The following GRM1 variants were observed in gnomAD, a reference collection of about 807,000 sequenced individuals.
GRM1 encodes the protein metabotropic glutamate receptor 1.
A neutral mutation model predicts 90.9 loss-of-function variants in GRM1; 33 were observed. The observed-to-expected ratio is 0.36, with a 90% CI of 0.28 to 0.49. The LOEUF (loss-of-function observed/expected upper bound fraction) is 0.49. Ranked by LOEUF, GRM1 falls within the 20% of genes least tolerant of loss-of-function variation. The probability of loss-of-function intolerance (pLI) is 0.99; values close to 1 mark genes in which losing one functional copy is unlikely to be tolerated. For missense variants in GRM1, 1,190 were observed against 1,534.3 expected (o/e 0.78, Z 3.75); for synonymous variants, 700 against 613.2 (o/e 1.14, Z -2.09).
intron 7 of GRM1, among the ~76,000 whole-genome samples, chr6:146,422,261 A>G (rs1269214467): frequency 6.6e-6 from 1 of 152,236 alleles, no homozygotes; most frequent in Non-Finnish European, 1.5e-5. Context: ...ACCCAAATAA[A>G]AAAGTCTGGA....
At chr6:146,057,160 TG>T (rs1358661659) in intron 1 of GRM1, among the ~76,000 whole-genome samples, 2 of 152,184 alleles carry the variant, frequency 1.3e-5, no homozygotes, top group African/African-American at 4.8e-5. Context: ...TGCCATGTAA[TG>T]AGAAGACTTT....
chr6:146,368,022 G>A lies in GRM1; in HGVS notation c.1602+10328G>A, dbSNP rs188677908. Among the ~76,000 whole-genome samples the A allele has an allele frequency of 9.0e-4, 137 of 152,050 alleles. 1 individual carries two copies. The highest frequency in any genetic ancestry group is 1.2e-4 in the Non-Finnish European group (8 of 67,934). ...ACATGGAATATCTTTTTATTGTTTTGTGTCCTCTTCAATTTCTTTCATCAG... is the reference window on the plus strand; with the variant it reads ...ACATGGAATATCTTTTTATTGTTTTATGTCCTCTTCAATTTCTTTCATCAG... On this transcript the variant is annotated intron_variant, in intron 5 of 7. Transcript: ENST00000282753.
At chr6:146,149,952 G>A (rs1777260473) in intron 1 of GRM1, among the ~76,000 whole-genome samples, 1 of 152,088 alleles carries the variant, frequency 6.6e-6, no homozygotes, top group Admixed American at 6.6e-5. Flanking sequence ...CACCACCTGG[G>A]AACACCGGGA....
intron 5 of GRM1, among the ~76,000 whole-genome samples, chr6:146,358,737 A>G (rs1775336463): frequency 6.6e-6 from 1 of 152,192 alleles, no homozygotes; most frequent in Admixed American, 6.5e-5. Context: ...CTTTATCTCA[A>G]CTGACTAAAG....
At chr6:146,096,193 A>G (rs770080412) in intron 1 of GRM1, among the ~76,000 whole-genome samples, 11 of 152,162 alleles carry the variant, frequency 7.2e-5, no homozygotes, top group Non-Finnish European at 1.6e-4. Flanking sequence ...TTGATTTTAT[A>G]AACAAAAACC....
intron 7 of GRM1, chr6:146,426,687 T>C: frequency 1.1e-6 from 1 of 931,362 alleles, no homozygotes; most frequent in Non-Finnish European, 1.7e-6. Context: ...GCCCCTTGCT[T>C]TCTCTCTCCT....
At chr6:146,371,926 G>A (rs1179271402) in intron 5 of GRM1, among the ~76,000 whole-genome samples, 1 of 152,076 alleles carries the variant, frequency 6.6e-6, no homozygotes, top group Non-Finnish European at 1.5e-5. Context: ...AACAAACATA[G>A]GAGTGCAGAT....
chr6:146,157,802 G>C (rs1777573715), intron 1 of GRM1, among the ~76,000 whole-genome samples: 1 of 152,142 alleles, frequency 6.6e-6, no homozygotes, highest in Non-Finnish European at 1.5e-5. Flanking sequence ...ATAAATGCCA[G>C]TGAAGAAATG....
intron 5 of GRM1, among the ~76,000 whole-genome samples, chr6:146,373,051 A>G (rs1251933903): frequency 6.6e-6 from 1 of 152,114 alleles, no homozygotes; most frequent in Non-Finnish European, 1.5e-5. Flanking sequence ...CAATTGCTTT[A>G]GCTAGCATGG....
At chr6:146,119,900 C>T (rs971206848) in intron 1 of GRM1, among the ~76,000 whole-genome samples, 2 of 152,118 alleles carry the variant, frequency 1.3e-5, no homozygotes, top group African/African-American at 4.8e-5. Flanking sequence ...GTTCTTTTGG[C>T]TTAGGATTGA....
At chr6:146,405,367 C>A (rs1433457836) in intron 7 of GRM1, among the ~76,000 whole-genome samples, 3 of 152,136 alleles carry the variant, frequency 2.0e-5, no homozygotes, top group Non-Finnish European at 4.4e-5. Flanking sequence ...TAAGGAAAAT[C>A]TGAAGGCAGT....
intron 2 of GRM1, among the ~76,000 whole-genome samples, chr6:146,182,675 A>G (rs761285076): frequency 2.6e-5 from 4 of 152,132 alleles, no homozygotes; most frequent in Admixed American, 6.6e-5. Context: ...TACCTCCATC[A>G]CTGCAGATTT....
chr6:146,089,781 G>A (rs1169189824), intron 1 of GRM1, among the ~76,000 whole-genome samples: 4 of 151,940 alleles, frequency 2.6e-5, no homozygotes, highest in African/African-American at 9.7e-5. Context: ...ACTAGCAATG[G>A]GCCCTAATAG....
chr6:146,307,633 C>T (rs1562597100), intron 3 of GRM1, among the ~76,000 whole-genome samples: 3 of 152,126 alleles, frequency 2.0e-5, no homozygotes, highest in African/African-American at 4.8e-5. Context: ...TATGCAGACA[C>T]ATCTATGAAA....
At chr6:146,254,690 A>C (rs896093647) in intron 2 of GRM1, among the ~76,000 whole-genome samples, 1 of 152,174 alleles carries the variant, frequency 6.6e-6, no homozygotes, top group African/African-American at 2.4e-5. Flanking sequence ...CAGCCCAGTC[A>C]TGCCCCACTA....
intron 1 of GRM1, among the ~76,000 whole-genome samples, chr6:146,039,441 A>T (rs1172140660): frequency 2.6e-5 from 4 of 152,008 alleles, no homozygotes; most frequent in Admixed American, 2.6e-4. Context: ...CTGAAAAGAG[A>T]GAAAGAGCCT....
At position 146,349,246 on chromosome 6, in the gene GRM1, A is replaced by AT. The variant is rs67705028; in HGVS notation, c.1187-2994dup. ...CATGCCCGGCTATTTTTTTTTTTTT[A>AT]TTTTTTTTTTATTTTTAGTAGATAC... is the stretch of plus-strand genomic sequence containing the variant. On this transcript the variant is annotated intron_variant, in intron 3 of 7. Transcript: ENST00000282753. Among the ~76,000 whole-genome samples, 72 of 140,730 alleles carry AT rather than the reference A, an allele frequency of 5.1e-4. No individual in the cohort carries two copies. The East Asian group carries it at 8.4e-3, about 16-fold the overall frequency. 92.3% of individuals were successfully genotyped at this position (140,730 alleles called of 152,430 possible).
At chr6:146,423,730 G>T (rs535662038) in intron 7 of GRM1, among the ~76,000 whole-genome samples, 1 of 152,098 alleles carries the variant, frequency 6.6e-6, no homozygotes, top group African/African-American at 2.4e-5. Context: ...TCAGTACACC[G>T]AGTTGCTAAG....
chr6:146,040,366 T>G (rs1031573310), intron 1 of GRM1, among the ~76,000 whole-genome samples: 4 of 152,044 alleles, frequency 2.6e-5, no homozygotes, highest in African/African-American at 9.7e-5. Context: ...GTGAATTTTA[T>G]GCCTTCGGAT....
Sources: allele counts gnomAD v4.1 joint callset (sites outside exome capture counted in the v4.1 genomes callset), GRCh38; gene constraint gnomAD v4.1.1; transcripts MANE v1.5; gene names NCBI Gene and HGNC (gene_info 2026-07-23, HGNC 2026-07-21).